Variants in MEGF10 observed in about 807,000 individuals in gnomAD.
MEGF10 encodes multiple EGF like domains 10.
Under a neutral mutation model 147.5 loss-of-function variants are expected in MEGF10, and 86 were observed. The observed-to-expected ratio is 0.58, with a 90% confidence interval of 0.49 to 0.70. The LOEUF (loss-of-function observed/expected upper bound fraction) is 0.70. MEGF10 is among the 30% of genes least tolerant of loss of function. The pLI is 0.00. For synonymous variants in MEGF10, 478 were observed against 525.5 expected (o/e 0.91, Z 1.24); for missense variants, 1,329 against 1,487.3 (o/e 0.89, Z 1.75).
intron 2 of MEGF10, among the ~76,000 whole-genome samples, chr5:127,338,369 A>G (rs779481106): frequency 7.9e-5 from 12 of 152,160 alleles, no homozygotes; most frequent in Non-Finnish European, 1.8e-4. Context: ...GGAATTCAAC[A>G]GTGAGTATTC....
intron 1 of MEGF10, among the ~76,000 whole-genome samples, chr5:127,315,795 A>G (rs1295862852): frequency 6.6e-6 from 1 of 152,162 alleles, no homozygotes; most frequent in Non-Finnish European, 1.5e-5. Context: ...CCAAAACAAA[A>G]TAACCCTTTT....
At chr5:127,296,811 A>T (rs535333048) in intron 1 of MEGF10, among the ~76,000 whole-genome samples, 2 of 152,334 alleles carry the variant, frequency 1.3e-5, no homozygotes, top group African/African-American at 4.8e-5. Flanking sequence ...CTAATCCTAC[A>T]ATCAAAACAA....
rs757760423 is a variant in MEGF10, at chr5:127,449,086, A to T, written c.2857-13A>T. The T allele has an allele frequency of 8.1e-6, 13 of 1,613,818 alleles. No homozygotes were observed. The highest frequency in any genetic ancestry group is 1.1e-5 in the Non-Finnish European group (13 of 1,179,878). The stretch of plus-strand genomic sequence containing the variant: ...TTTTGTTTTTAATCTTTCGTTGTTT[A>T]TATTTTTAACAGTCAAAAAACAATC... On this transcript the variant is annotated splice_polypyrimidine_tract_variant and intron_variant, in intron 21 of 24. Transcript: ENST00000503335.
rs900476555 is a variant in MEGF10, at chr5:127,459,230, A to T, written c.*1912A>T. The T allele has an allele frequency of 1.3e-5, 2 of 152,200 alleles. No homozygotes were observed. The highest frequency in any genetic ancestry group is 2.9e-5 in the Non-Finnish European group (2 of 68,030). 9.4% of individuals were successfully genotyped at this position (152,200 alleles called of 1,614,324 possible). ...TTCATGTCACACATCGGCACGTATG[A>T]TGGTGGTTTGGTCAGATGGATAATA... On this transcript the variant is annotated 3_prime_UTR_variant, in exon 25 of 25. Transcript: ENST00000503335.
intron 4 of MEGF10, among the ~76,000 whole-genome samples, chr5:127,366,266 C>T (rs535755529): frequency 6.6e-6 from 1 of 152,244 alleles, no homozygotes; most frequent in African/African-American, 2.4e-5. Context: ...CTCTGCCTTC[C>T]TCTGTTGCTT....
chr5:127,241,813 C>T, the MEGF10 span, among the ~76,000 whole-genome samples: 3 of 152,004 alleles, frequency 2.0e-5, no homozygotes, highest in African/African-American at 7.2e-5. Context: ...CTATAAAATG[C>T]TTCCAGGAAG....
intron 4 of MEGF10, among the ~76,000 whole-genome samples, chr5:127,355,642 C>T (rs1762252800): frequency 6.6e-6 from 1 of 152,208 alleles, no homozygotes; most frequent in African/African-American, 2.4e-5. Flanking sequence ...TAAACTTCTG[C>T]TTTCCAGTTT....
rs1383721393 is a variant in MEGF10, at chr5:127,455,501, A to T, written c.3126A>T (p.Lys1042Asn). The change falls in exon 24 of 25, where the codon AAA becomes AAT. Residue 1042 changes from lysine to asparagine, a missense_variant. Lys to Asn is a moderately conservative substitution (Grantham distance 94). This residue lies in a region of MEGF10 where 343 missense variants were observed against 377.9 expected (regional missense o/e 0.91). Transcript: ENST00000503335. ...AAGACCCACCTGTACTTATCCCGAAAAGCTCAGAGTGTGGTTATGTGGAGA... is the reference window on the plus strand; with the variant it reads ...AAGACCCACCTGTACTTATCCCGAATAGCTCAGAGTGTGGTTATGTGGAGA... ...TIKDPPVLIP[K>N]SSECGYVEMK... The T allele has an allele frequency of 6.2e-7, 1 of 1,614,006 alleles. No individual in the cohort carries two copies. Among genetic ancestry groups the T allele is most frequent in the South Asian group, 1.1e-5 (1 of 91,088 alleles).
At chr5:127,453,801 T>C (rs1221643229) in intron 22 of MEGF10, among the ~76,000 whole-genome samples, 1 of 152,240 alleles carries the variant, frequency 6.6e-6, no homozygotes, top group East Asian at 1.9e-4. Flanking sequence ...ATTTTGTTTT[T>C]AGTAGTGCGA....
chr5:127,243,675 T>A, the MEGF10 span, among the ~76,000 whole-genome samples: 11 of 152,256 alleles, frequency 7.2e-5, no homozygotes, highest in Non-Finnish European at 1.5e-4. Context: ...AAAGGTCATT[T>A]GTGTATCATC....
At chr5:127,346,474 T>C (rs1761899185) in intron 4 of MEGF10, among the ~76,000 whole-genome samples, 1 of 152,226 alleles carries the variant, frequency 6.6e-6, no homozygotes, top group Non-Finnish European at 1.5e-5. Context: ...TTGAGCATTT[T>C]TTCATATGTT....
chr5:127,246,200 C>G, the MEGF10 span, among the ~76,000 whole-genome samples: 1 of 152,058 alleles, frequency 6.6e-6, no homozygotes, highest in East Asian at 1.9e-4. Context: ...GACTTGGAAC[C>G]AATCCAAATG....
At chr5:127,230,158 G>A in the MEGF10 span, among the ~76,000 whole-genome samples, 2 of 152,058 alleles carry the variant, frequency 1.3e-5, no homozygotes, top group African/African-American at 4.8e-5. Context: ...GCAAAAAAGC[G>A]TATTGGTGGG....
chr5:127,247,018 T>C, the MEGF10 span, among the ~76,000 whole-genome samples: 1 of 115,752 alleles, frequency 8.6e-6, no homozygotes, highest in African/African-American at 4.0e-5. Context: ...AGACACACCA[T>C]ACATACATAA....
At chr5:127,391,095 C>CGCGCGCGCGT (rs1371768731) in intron 5 of MEGF10, among the ~76,000 whole-genome samples, 5 of 30,346 alleles carry the variant, frequency 1.6e-4, no homozygotes, top group Non-Finnish European at 4.8e-4. Flanking sequence ...CATGCGCGCG[C>CGCGCGCGCGT]GCGCGCGCAC....
rs528228566 is a variant in MEGF10, at chr5:127,424,090, G to A, written c.1693+1318G>A. Among the ~76,000 whole-genome samples, 329 of 152,252 alleles carry A rather than the reference G, an allele frequency of 2.2e-3. 1 individual carries two copies. The highest frequency in any genetic ancestry group is 7.5e-3 in the African/African-American group (313 of 41,550). ...GGTCCAACTTAATTCTTTTGCGTGT[G>A]GCTATCCAGTTGTCCCAGCACTATT... On this transcript the variant is annotated intron_variant, in intron 13 of 24. Transcript: ENST00000503335.
intron 4 of MEGF10, among the ~76,000 whole-genome samples, chr5:127,360,415 T>C (rs1177069780): frequency 6.6e-6 from 1 of 152,014 alleles, no homozygotes; most frequent in Non-Finnish European, 1.5e-5. Flanking sequence ...TATATTTACA[T>C]AGTCTGTAAA....
chr5:127,427,934 C>G (rs1765260046), intron 13 of MEGF10, among the ~76,000 whole-genome samples: 1 of 152,080 alleles, frequency 6.6e-6, no homozygotes, highest in African/African-American at 2.4e-5. Context: ...TCTGCAGGTT[C>G]ATATGTATAT....
intron 4 of MEGF10, among the ~76,000 whole-genome samples, chr5:127,357,469 A>G (rs1160394891): frequency 6.6e-6 from 1 of 151,926 alleles, no homozygotes; most frequent in Non-Finnish European, 1.5e-5. Context: ...AAAAAGTGAA[A>G]TGAAGACAAA....
Sources: allele counts gnomAD v4.1 joint callset (sites outside exome capture counted in the v4.1 genomes callset), GRCh38; gene constraint gnomAD v4.1.1; regional missense constraint gnomAD v4.1.1; transcripts MANE v1.5; gene names NCBI Gene and HGNC (gene_info 2026-07-23, HGNC 2026-07-21).